The following PDE1C variants were observed in gnomAD, a reference collection of about 807,000 sequenced individuals.
PDE1C encodes dual specificity calcium/calmodulin-dependent 3',5'-cyclic nucleotide phosphodiesterase 1C.
In PDE1C, 62 loss-of-function variants were observed where a neutral mutation model predicts 93.1. The ratio of observed to expected loss-of-function variants is 0.67; its 90% CI spans 0.54 to 0.82. The LOEUF (loss-of-function observed/expected upper bound fraction) is 0.82. Among genes scored for constraint, PDE1C ranks in the 40% least tolerant of loss-of-function variants. PDE1C has a pLI of 0.00. For missense variants in PDE1C, 742 were observed against 884.6 expected (o/e 0.84, Z 2.04); for synonymous variants, 325 against 310.1 (o/e 1.05, Z -0.50).
intron 2 of PDE1C, among the ~76,000 whole-genome samples, chr7:31,922,338 C>T (rs1162835006): frequency 6.6e-6 from 1 of 152,142 alleles, no homozygotes; most frequent in Non-Finnish European, 1.5e-5. Context: ...AAAATTAGAG[C>T]CAGGTTTTGC....
At position 31,886,108 on chromosome 7, in the gene PDE1C, T is replaced by C. The variant is rs571106192; in HGVS notation, c.129-5248A>G. ...TGAGAGAGAACTGGATCTTTTACAG[T>C]ACTTTCTCTACATGTCCCAATGGAT... On this transcript the variant is annotated intron_variant, in intron 2 of 17. Transcript: ENST00000396191. 5.9e-5 allele frequency among the ~76,000 whole-genome samples: 9 copies of C among 152,334 alleles called. No individual in the cohort carries two copies. The South Asian group carries it at 1.7e-3, about 28-fold the overall frequency.
At chr7:31,693,433 C>T in the PDE1C span, among the ~76,000 whole-genome samples, 1 of 152,118 alleles carries the variant, frequency 6.6e-6, no homozygotes, top group African/African-American at 2.4e-5. Flanking sequence ...GTGTTTGCAG[C>T]CAGGCATTAA....
At chr7:32,004,119 G>T in intron 2 of PDE1C, among the ~76,000 whole-genome samples, 1 of 152,096 alleles carries the variant, frequency 6.6e-6, no homozygotes, top group African/African-American at 2.4e-5. Flanking sequence ...CTCGAACTCA[G>T]TTCCTGGCAC....
chr7:31,751,896 G>A lies in PDE1C; in HGVS notation c.*1488C>T, dbSNP rs1794156138. On this transcript the variant is annotated 3_prime_UTR_variant, in exon 18 of 18. Transcript: ENST00000396191. ...TCTTTACAATCAAGCCTGGAAGGTCGAGGCCATCCGGGAACAAACAGCTCC... is the reference window on the plus strand; with the variant it reads ...TCTTTACAATCAAGCCTGGAAGGTCAAGGCCATCCGGGAACAAACAGCTCC... 1 of 152,132 alleles carries A rather than the reference G, an allele frequency of 6.6e-6. No homozygotes were observed. Among genetic ancestry groups the A allele is most frequent in the African/African-American group, 2.4e-5 (1 of 41,430 alleles). 9.4% of individuals were successfully genotyped at this position (152,132 alleles called of 1,614,324 possible). A position where few individuals can be genotyped will look rare whatever the true frequency, so the allele number is the denominator to read the frequency against.
At chr7:32,168,418 T>C (rs193089040) in intron 3 of PDE1C, among the ~76,000 whole-genome samples, 1 of 152,250 alleles carries the variant, frequency 6.6e-6, no homozygotes, top group East Asian at 1.9e-4. Context: ...TTCATGAGAG[T>C]AACTCTTTGC....
At chr7:31,773,506 G>T (rs949544232) in intron 17 of PDE1C, among the ~76,000 whole-genome samples, 4 of 152,064 alleles carry the variant, frequency 2.6e-5, no homozygotes, top group African/African-American at 7.2e-5. Flanking sequence ...GGAATTGCTT[G>T]GTTTAAAGCT....
chr7:31,880,342 C>A (rs186517135), intron 3 of PDE1C, among the ~76,000 whole-genome samples: 1 of 152,098 alleles, frequency 6.6e-6, no homozygotes, highest in Admixed American at 6.5e-5. Context: ...ACATGCTTCT[C>A]GATCACTTCA....
chr7:32,242,692 G>C (rs936514332), intron 1 of PDE1C, among the ~76,000 whole-genome samples: 2 of 152,178 alleles, frequency 1.3e-5, no homozygotes, highest in African/African-American at 4.8e-5. Flanking sequence ...GGCTTCTAAG[G>C]AGGATGCAAG....
chr7:32,076,824 G>A (rs1157663010), intron 3 of PDE1C, among the ~76,000 whole-genome samples: 1 of 151,378 alleles, frequency 6.6e-6, no homozygotes, highest in East Asian at 1.9e-4. Context: ...CAAAATAAAT[G>A]TACCCCACCA....
At chr7:32,413,179 G>A (rs1785208161) in intron 1 of PDE1C, among the ~76,000 whole-genome samples, 1 of 152,058 alleles carries the variant, frequency 6.6e-6, no homozygotes, top group South Asian at 2.1e-4. Flanking sequence ...TTACGTAGGG[G>A]GGAATGCATG....
intron 2 of PDE1C, among the ~76,000 whole-genome samples, chr7:32,171,307 A>G (rs908140899): frequency 2.4e-4 from 36 of 152,068 alleles, no homozygotes; most frequent in African/African-American, 8.0e-4. Flanking sequence ...AGAACACCTG[A>G]CCCGTGCTCT....
At chr7:32,324,701 C>T (rs1291380644) in intron 1 of PDE1C, among the ~76,000 whole-genome samples, 1 of 152,234 alleles carries the variant, frequency 6.6e-6, no homozygotes, top group African/African-American at 2.4e-5. Context: ...ATAATCCCAG[C>T]ACTTTGGGAG....
upstream of PDE1C, among the ~76,000 whole-genome samples, chr7:32,303,350 T>A (rs1232679221): frequency 6.6e-6 from 1 of 152,170 alleles, no homozygotes; most frequent in African/African-American, 2.4e-5. Context: ...TAAACTAACA[T>A]TTACTGAGTG....
At chr7:31,771,092 T>A (rs1795462631) in intron 17 of PDE1C, among the ~76,000 whole-genome samples, 1 of 152,208 alleles carries the variant, frequency 6.6e-6, no homozygotes, top group African/African-American at 2.4e-5. Flanking sequence ...TAATTTTTCC[T>A]CCATTTGGCT....
At chr7:31,994,122 G>A (rs1009795026) in intron 2 of PDE1C, among the ~76,000 whole-genome samples, 2 of 152,080 alleles carry the variant, frequency 1.3e-5, no homozygotes, top group Non-Finnish European at 2.9e-5. Context: ...AGCCCAAGGA[G>A]AGCTGCATAC....
the PDE1C span, chr7:31,642,846 C>T: frequency 2.7e-5 from 44 of 1,613,890 alleles, no homozygotes; most frequent in South Asian, 4.6e-4. Flanking sequence ...AAGCGAATGC[C>T]TTGGAACAAA....
intron 2 of PDE1C, among the ~76,000 whole-genome samples, chr7:31,950,564 T>C (rs796788847): frequency 1.2e-4 from 18 of 152,238 alleles, no homozygotes; most frequent in African/African-American, 4.3e-4. Flanking sequence ...TATGTGTGAG[T>C]GTGAGTTTAA....
At chr7:32,070,685 A>C, upstream of PDE1C, 1 of 1,264,366 alleles carries the variant, frequency 7.9e-7, no homozygotes, top group Non-Finnish European at 1.0e-6. Context: ...TTGGGATTGG[A>C]CTCCAGCTCC....
At chr7:32,323,348 G>A (rs901147539) in intron 1 of PDE1C, among the ~76,000 whole-genome samples, 9 of 152,182 alleles carry the variant, frequency 5.9e-5, no homozygotes, top group African/African-American at 2.2e-4. Context: ...TCAACTCAGA[G>A]TTGAGAAGAG....
Sources: allele counts gnomAD v4.1 joint callset (sites outside exome capture counted in the v4.1 genomes callset), GRCh38; gene constraint gnomAD v4.1.1; transcripts MANE v1.5; gene names NCBI Gene and HGNC (gene_info 2026-07-23, HGNC 2026-07-21).